SLC35F1: variants seen among roughly 807,000 people sequenced by gnomAD.
The protein encoded by SLC35F1 is chromosome 6 open reading frame 169.
SLC35F1 carries 14 observed loss-of-function variants against 48.7 expected under a neutral mutation model. The observed-to-expected ratio is 0.29, with a 90% CI of 0.19 to 0.45. The LOEUF (loss-of-function observed/expected upper bound fraction) is 0.45, where lower values mean the gene tolerates loss of function less well. Ranked by LOEUF, SLC35F1 falls within the 20% of genes least tolerant of loss-of-function variation. SLC35F1 has a pLI of 1.00. For missense variants in SLC35F1, 404 were observed against 500.0 expected, an observed-to-expected ratio of 0.81 and a Z score of 1.83; for synonymous variants, 190 against 202.2, an observed-to-expected ratio of 0.94 and a Z score of 0.51.
intron 2 of SLC35F1, among the ~76,000 whole-genome samples, chr6:118,229,753 G>A (rs1775264559): frequency 6.6e-6 from 1 of 152,126 alleles, no homozygotes; most frequent in Non-Finnish European, 1.5e-5. Flanking sequence ...GATAGCATTT[G>A]TAAAGCAAGT....
intron 1 of SLC35F1, among the ~76,000 whole-genome samples, chr6:118,153,455 T>C (rs1282137052): frequency 6.6e-6 from 1 of 152,190 alleles, no homozygotes. Context: ...AATAAAACTT[T>C]CAATGAAAGA....
In SLC35F1 at chr6:118,031,024, C is replaced by T. The variant is rs77071810; in HGVS notation, c.173+123125C>T. ...AGCCTGAGTGGAAAATACATAGTTCCTACATACCCCTCTCCCCACACAGGC... is the reference window on the plus strand; with the variant it reads ...AGCCTGAGTGGAAAATACATAGTTCTTACATACCCCTCTCCCCACACAGGC... On this transcript the variant is annotated intron_variant, in intron 1 of 7. Transcript: ENST00000360388. Among the ~76,000 whole-genome samples, 1,642 of 152,070 alleles carry T rather than the reference C, an allele frequency of 0.011. 71 individuals are homozygous for T. In the East Asian group the frequency reaches 0.14, roughly 13 times the overall value.
In SLC35F1 at chr6:118,178,194, A is replaced by AT. The variant is rs1281195364; in HGVS notation, c.349+23580dup. Reference sequence around the variant, plus strand: ...CACCTCCTGGGGGTTGCGGATCTAGATTTTTTACCATCCCCCAAAGCATGC... The same window carrying AT: ...CACCTCCTGGGGGTTGCGGATCTAGATTTTTTTACCATCCCCCAAAGCATGC... On this transcript the variant is annotated intron_variant, in intron 2 of 7. Coordinates refer to ENST00000360388, the MANE Select transcript of SLC35F1 (RefSeq NM_001029858.4). Among the ~76,000 whole-genome samples, 4 of 151,532 alleles carry AT rather than the reference A, an allele frequency of 2.6e-5. No individual in the cohort carries two copies. The East Asian group carries it at 7.8e-4, about 30-fold the overall frequency.
intron 3 of SLC35F1, 95 bp downstream of exon 3, chr6:118,235,731 A>G (rs1775356201): frequency 7.5e-7 from 1 of 1,327,754 alleles, no homozygotes; most frequent in African/African-American, 1.5e-5. Flanking sequence ...ACAAGTTACT[A>G]TCTGTATACT....
intron 1 of SLC35F1, among the ~76,000 whole-genome samples, chr6:117,937,186 G>A (rs1310564130): frequency 6.6e-6 from 1 of 152,052 alleles, no homozygotes. Context: ...ATAACTCTTC[G>A]ACTCCAAATT....
intron 1 of SLC35F1, among the ~76,000 whole-genome samples, chr6:117,990,870 C>CG (rs1238295013): frequency 1.4e-4 from 21 of 152,236 alleles, no homozygotes; most frequent in African/African-American, 4.6e-4. Flanking sequence ...TGGCTCCATC[C>CG]ACCAGTCTGC....
At chr6:117,961,850 A>G (rs1376187507) in intron 1 of SLC35F1, among the ~76,000 whole-genome samples, 1 of 152,210 alleles carries the variant, frequency 6.6e-6, no homozygotes, top group African/African-American at 2.4e-5. Flanking sequence ...AGCTCTTCCT[A>G]TATTTATGTC....
intron 1 of SLC35F1, among the ~76,000 whole-genome samples, chr6:117,932,650 G>C (rs1281832652): frequency 6.6e-6 from 1 of 152,182 alleles, no homozygotes; most frequent in Non-Finnish European, 1.5e-5. Context: ...GTACTCTGTA[G>C]TGTAATTAGC....
In SLC35F1 at chr6:118,256,228, G is replaced by A. The variant is rs1775642650; in HGVS notation, c.478-10767G>A. Among the ~76,000 whole-genome samples the A allele has an allele frequency of 4.7e-4, 28 of 59,298 alleles. No homozygotes were observed. The South Asian group carries it at 0.013, about 27-fold the overall frequency. 38.9% of individuals were successfully genotyped at this position (59,298 alleles called of 152,430 possible). On this transcript the variant is annotated intron_variant, in intron 3 of 7. Coordinates refer to ENST00000360388, the MANE Select transcript of SLC35F1 (RefSeq NM_001029858.4). ...CTGGTGTGTGTGTGTGTGTGTGTGT[G>A]TGTGTGTGTGTGTGTGTGTGTGTGT...
At chr6:117,985,915 A>G (rs760884519) in intron 1 of SLC35F1, among the ~76,000 whole-genome samples, 1 of 152,238 alleles carries the variant, frequency 6.6e-6, no homozygotes, top group Non-Finnish European at 1.5e-5. Flanking sequence ...TATTGTAAAC[A>G]GAGATGGGAT....
chr6:118,270,465 G>C (rs945386186), intron 4 of SLC35F1, among the ~76,000 whole-genome samples: 5 of 152,190 alleles, frequency 3.3e-5, no homozygotes, highest in African/African-American at 1.2e-4. Flanking sequence ...GGAAGACTCT[G>C]CCTTAGAGAC....
chr6:118,072,216 T>G (rs1772742370), intron 1 of SLC35F1, among the ~76,000 whole-genome samples: 1 of 152,174 alleles, frequency 6.6e-6, no homozygotes, highest in Non-Finnish European at 1.5e-5. Context: ...AGATTTTTAT[T>G]TTTTTGTTCC....
At chr6:118,128,678 G>A (rs527537892) in intron 1 of SLC35F1, among the ~76,000 whole-genome samples, 2 of 151,896 alleles carry the variant, frequency 1.3e-5, no homozygotes, top group African/African-American at 4.8e-5. Context: ...GGAGGAGGGG[G>A]GAGGGATAGC....
rs1337556269 is a variant in SLC35F1 at position 117,944,562 on chromosome 6, TC to T, written c.173+36668del. On this transcript the variant is annotated intron_variant, in intron 1 of 7. Coordinates refer to ENST00000360388, the MANE Select transcript of SLC35F1 (RefSeq NM_001029858.4). ...AAGCTTTCAAGTTTGTTTTTTGAGA[TC>T]CCCCTCTCCCAAAACACACACATAC... Among the ~76,000 whole-genome samples, 4 of 145,790 alleles carry T rather than the reference TC, an allele frequency of 2.7e-5. No homozygotes were observed. In the East Asian group the frequency reaches 8.1e-4, roughly 30 times the overall value.
At chr6:118,229,823 C>G (rs146091307) in intron 2 of SLC35F1, among the ~76,000 whole-genome samples, 2 of 152,276 alleles carry the variant, frequency 1.3e-5, no homozygotes, top group African/African-American at 4.8e-5. Flanking sequence ...AATTATAAAA[C>G]ACATTTGATT....
At chr6:118,073,525 A>G (rs931946090) in intron 1 of SLC35F1, among the ~76,000 whole-genome samples, 1 of 152,338 alleles carries the variant, frequency 6.6e-6, no homozygotes, top group South Asian at 2.1e-4. Context: ...TAAAGTAGCC[A>G]TATCCTTACC....
At chr6:118,051,644 C>T (rs755646680) in intron 1 of SLC35F1, among the ~76,000 whole-genome samples, 13 of 151,638 alleles carry the variant, frequency 8.6e-5, no homozygotes, top group African/African-American at 1.9e-4. Flanking sequence ...GGTGAGGAAC[C>T]GAACATATGT....
chr6:118,010,261 A>T (rs1176326246), intron 1 of SLC35F1, among the ~76,000 whole-genome samples: 1 of 152,174 alleles, frequency 6.6e-6, no homozygotes, highest in Non-Finnish European at 1.5e-5. Context: ...GTTTGACACA[A>T]ATGTTCCATT....
chr6:118,105,542 G>A (rs1326841314), intron 1 of SLC35F1, among the ~76,000 whole-genome samples: 1 of 152,156 alleles, frequency 6.6e-6, no homozygotes, highest in African/African-American at 2.4e-5. Flanking sequence ...TGTTTCTACT[G>A]CATCATTCCC....
Sources: gnomAD v4.1 joint callset for allele counts (sites outside exome capture counted in the v4.1 genomes callset) on GRCh38, gnomAD v4.1.1 for gene constraint, MANE v1.5 for transcripts, NCBI Gene and HGNC (gene_info 2026-07-23, HGNC 2026-07-21) for gene names.